Variants in FABP6 observed in about 807,000 individuals in gnomAD.
FABP6 encodes gastrotropin.
Under a neutral mutation model 14.9 loss-of-function variants are expected in FABP6, and 13 were observed. The observed-to-expected ratio is 0.87, with a 90% CI of 0.57 to 1.39. The LOEUF (loss-of-function observed/expected upper bound fraction) is 1.39. Ranked by LOEUF, FABP6 falls within the 40% of genes most tolerant of loss-of-function variation. The pLI, the probability that FABP6 is intolerant of heterozygous loss-of-function variation, is 0.00. For missense variants in FABP6, 161 were observed against 167.2 expected (o/e 0.96, Z 0.20); for synonymous variants, 75 against 63.6 (o/e 1.18, Z -0.85).
At chr5:160,230,368 C>G (rs1192400547) in intron 1 of FABP6, among the ~76,000 whole-genome samples, 1 of 151,160 alleles carries the variant, frequency 6.6e-6, no homozygotes, top group Non-Finnish European at 1.5e-5. Flanking sequence ...TATTTTTATT[C>G]ATTTATTTTT....
upstream of FABP6, among the ~76,000 whole-genome samples, chr5:160,228,058 C>T (rs558023916): frequency 6.6e-6 from 1 of 152,038 alleles, no homozygotes; most frequent in Non-Finnish European, 1.5e-5. Context: ...GAGAGCAAGC[C>T]TGGGAAAAGG....
At chr5:160,195,407 C>T (rs984482363) in intron 1 of FABP6, among the ~76,000 whole-genome samples, 7 of 152,070 alleles carry the variant, frequency 4.6e-5, no homozygotes, top group African/African-American at 1.7e-4. Context: ...GCTGGACTGG[C>T]CACTGCCTCA....
chr5:160,236,918 GT>G (rs200644239), intron 3 of FABP6, among the ~76,000 whole-genome samples: 3,538 of 152,046 alleles, frequency 0.023, 68 homozygotes, highest in Non-Finnish European at 0.033. Context: ...GGAGGCAGAG[GT>G]TGCAGTGAGC....
chr5:160,234,149 A>G (rs34378090), intron 2 of FABP6, among the ~76,000 whole-genome samples: 9,608 of 152,210 alleles, frequency 0.063, 424 homozygotes, highest in Non-Finnish European at 0.095. Flanking sequence ...CAAATAACTC[A>G]CAATCTTCCT....
At chr5:160,223,110 G>C (rs1760163230) in intron 3 of FABP6, among the ~76,000 whole-genome samples, 1 of 152,108 alleles carries the variant, frequency 6.6e-6, no homozygotes, top group African/African-American at 2.4e-5. Flanking sequence ...CTGAGAAACT[G>C]TGTTTTTCAC....
chr5:160,188,661 T>A (rs2113044925), intron 1 of FABP6, among the ~76,000 whole-genome samples: 1 of 152,320 alleles, frequency 6.6e-6, no homozygotes, highest in East Asian at 1.9e-4. Flanking sequence ...GGCTTCTCCC[T>A]GCGGAGAAGG....
At chr5:160,218,268 C>A (rs560256764) in intron 3 of FABP6, among the ~76,000 whole-genome samples, 64 of 152,004 alleles carry the variant, frequency 4.2e-4, no homozygotes, top group Non-Finnish European at 7.5e-4. Context: ...AGATAGGCAC[C>A]ATTATTATCC....
At chr5:160,188,125 A>G (rs546827450) in intron 1 of FABP6, among the ~76,000 whole-genome samples, 18 of 152,044 alleles carry the variant, frequency 1.2e-4, no homozygotes, top group African/African-American at 4.3e-4. Context: ...AGCCCTCCCA[A>G]TTCACCCGGG....
chr5:160,194,225 T>G (rs991758657), intron 1 of FABP6, among the ~76,000 whole-genome samples: 1 of 152,216 alleles, frequency 6.6e-6, no homozygotes, highest in Non-Finnish European at 1.5e-5. Context: ...CACCGGCAAC[T>G]CCAGCTGGCC....
intron 3 of FABP6, among the ~76,000 whole-genome samples, chr5:160,220,623 T>A (rs1760108875): frequency 6.6e-6 from 1 of 151,840 alleles, no homozygotes; most frequent in South Asian, 2.1e-4. Context: ...TTATTAATAA[T>A]AAATAAGGCT....
upstream of FABP6, chr5:160,229,502 C>T: frequency 6.2e-7 from 1 of 1,612,878 alleles, no homozygotes; most frequent in African/African-American, 1.3e-5. Context: ...GCAGACCCCT[C>T]AGCACCACCC....
intron 1 of FABP6, 42 bp from the exon 2 acceptor site, chr5:160,232,056 A>T: frequency 6.2e-7 from 1 of 1,606,674 alleles, no homozygotes; most frequent in Non-Finnish European, 8.5e-7. Context: ...ACAGGGTTAA[A>T]AGCAGCTCTT....
chr5:160,237,650 C>T (rs1207172135), intron 3 of FABP6, among the ~76,000 whole-genome samples: 1 of 152,098 alleles, frequency 6.6e-6, no homozygotes, highest in East Asian at 1.9e-4. Flanking sequence ...ATCCCATATG[C>T]AAATCACACA....
chr5:160,199,283 T>C, intron 2 of FABP6: 1 of 935,904 alleles, frequency 1.1e-6, no homozygotes, highest in Non-Finnish European at 1.7e-6. Context: ...AACAGACTTG[T>C]CATGGCTCCA....
intron 3 of FABP6, among the ~76,000 whole-genome samples, chr5:160,215,867 A>G (rs1232496876): frequency 6.6e-6 from 1 of 152,150 alleles, no homozygotes; most frequent in East Asian, 1.9e-4. Context: ...GAGTATCCCA[A>G]AGCCCTGCTG....
upstream of FABP6, among the ~76,000 whole-genome samples, chr5:160,226,987 T>G (rs894831158): frequency 3.3e-5 from 5 of 152,232 alleles, no homozygotes; most frequent in African/African-American, 1.2e-4. Flanking sequence ...ATCTGACATG[T>G]ACAGTGAAAG....
intron 2 of FABP6, among the ~76,000 whole-genome samples, chr5:160,234,202 T>C (rs550545166): frequency 1.4e-4 from 21 of 152,164 alleles, no homozygotes; most frequent in Admixed American, 5.9e-4. Flanking sequence ...AAATGTAAGT[T>C]ATCTCACCAT....
intron 1 of FABP6, among the ~76,000 whole-genome samples, chr5:160,230,534 G>A (rs187926942): frequency 6.6e-6 from 1 of 151,706 alleles, no homozygotes; most frequent in Non-Finnish European, 1.5e-5. Context: ...CTAATTTTTT[G>A]TATTTTCAGT....
At chr5:160,187,807 C>T (rs904192659) in intron 1 of FABP6, among the ~76,000 whole-genome samples, 2 of 152,060 alleles carry the variant, frequency 1.3e-5, no homozygotes, top group Non-Finnish European at 2.9e-5. Context: ...GGCTGGAGTG[C>T]AATGGCGCTA....
Sources: gnomAD v4.1 joint callset for allele counts (sites outside exome capture counted in the v4.1 genomes callset) on GRCh38, gnomAD v4.1.1 for gene constraint, MANE v1.5 for transcripts, NCBI Gene and HGNC (gene_info 2026-07-23, HGNC 2026-07-21) for gene names.